The following ANK2 variants were observed in gnomAD, a reference collection of about 807,000 sequenced individuals.
The protein encoded by ANK2 is ankyrin-2.
In ANK2, 83 loss-of-function variants were observed where a neutral mutation model predicts 360.5. That is an observed-to-expected ratio of 0.23 (90% confidence interval 0.19 to 0.28). ANK2 has a LOEUF of 0.28. Among genes scored for constraint, ANK2 ranks in the 10% least tolerant of loss-of-function variants. ANK2 has a pLI of 1.00. For missense variants in ANK2, 4,201 were observed against 4,795.7 expected (o/e 0.88, Z 3.66); for synonymous variants, 1,740 against 1,759.5 (o/e 0.99, Z 0.28).
At position 112,938,520 on chromosome 4, in the gene ANK2, G is replaced by A. The variant is rs112841575; in HGVS notation, c.21+34006G>A. On this transcript the variant is annotated intron_variant, in intron 2 of 30. Transcript: ENST00000503271. ...TATCTAATCTTTCTGTATATTTTTT[G>A]TTTTCCCCAAAATGATATATTTTAA... 2.0e-5 allele frequency among the ~76,000 whole-genome samples: 3 copies of A among 147,258 alleles called. No individual in the cohort carries two copies. The South Asian group carries it at 6.4e-4, about 31-fold the overall frequency.
chr4:113,356,281 A>G lies in ANK2; in HGVS notation c.7663A>G (p.Thr2555Ala), dbSNP rs1202828284. The change falls in exon 38 of 46, where the codon ACA becomes GCA. Residue 2555 changes from threonine to alanine, a missense_variant. This residue lies in a region of ANK2 where 2,642 missense variants were observed against 2,714.5 expected (regional missense o/e 0.97). Coordinates refer to ENST00000357077, the MANE Select transcript of ANK2 (RefSeq NM_001148.6). Reference protein sequence around the residue: ...EVSYEVTPKTTDVSTPKPAVI... With the variant: ...EVSYEVTPKTADVSTPKPAVI... ...CAGCTATGAGGTTACACCCAAAACC[A>G]CAGATGTAAGTACACCAAAACCAGC... 3 of 1,614,146 alleles carry G rather than the reference A, an allele frequency of 1.9e-6. No individual in the cohort carries two copies. The highest frequency in any genetic ancestry group is 3.3e-5 in the Admixed American group (2 of 60,006).
intron 1 of ANK2, among the ~76,000 whole-genome samples, chr4:112,878,920 G>GC (rs1487867357): frequency 6.6e-6 from 1 of 152,142 alleles, no homozygotes; most frequent in Non-Finnish European, 1.5e-5. Context: ...ACTGCGCCCG[G>GC]CCCCTGATTC....
intron 1 of ANK2, among the ~76,000 whole-genome samples, chr4:113,116,078 A>G (rs545133422): frequency 7.2e-5 from 11 of 152,314 alleles, no homozygotes; most frequent in African/African-American, 2.4e-4. Context: ...AATACTATAG[A>G]GAACTTCATC....
At chr4:112,929,714 A>C (rs967837765) in intron 2 of ANK2, among the ~76,000 whole-genome samples, 3 of 152,180 alleles carry the variant, frequency 2.0e-5, no homozygotes, top group African/African-American at 7.2e-5. Flanking sequence ...TTGTTCTTGC[A>C]TCCAGAGTCA....
intron 43 of ANK2, chr4:113,372,390 T>G (rs1197250302): frequency 5.2e-6 from 3 of 573,576 alleles, no homozygotes; most frequent in Middle Eastern, 3.3e-4. Context: ...GACCAGCACG[T>G]ATTTGTTTTC....
chr4:113,298,643 C>A (rs1288528743), intron 22 of ANK2, among the ~76,000 whole-genome samples: 4 of 152,164 alleles, frequency 2.6e-5, no homozygotes, highest in African/African-American at 9.7e-5. Context: ...TATACCATTT[C>A]TTTTGCCATA....
intron 2 of ANK2, among the ~76,000 whole-genome samples, chr4:112,970,161 T>C (rs995607405): frequency 1.6e-4 from 24 of 151,710 alleles, no homozygotes; most frequent in African/African-American, 5.8e-4. Context: ...TTTTTTTGTA[T>C]TTTTAGTAGA....
At chr4:113,149,604 G>A (rs1056285033) in intron 1 of ANK2, among the ~76,000 whole-genome samples, 1 of 151,970 alleles carries the variant, frequency 6.6e-6, no homozygotes, top group Admixed American at 6.6e-5. Context: ...GCCTGGCATG[G>A]TGGCTCGCAT....
chr4:112,826,958 T>C, intron 1 of ANK2: 1 of 1,538,162 alleles, frequency 6.5e-7, no homozygotes, highest in Admixed American at 1.7e-5. Flanking sequence ...GCACACTCAT[T>C]CAGTCATGTA....
intron 1 of ANK2, among the ~76,000 whole-genome samples, chr4:112,874,787 T>G (rs2150327157): frequency 6.6e-6 from 1 of 152,296 alleles, no homozygotes; most frequent in Non-Finnish European, 1.5e-5. Context: ...ATGAATTTTC[T>G]TCTGTAATCA....
the ANK2 span, chr4:112,797,235 C>T: frequency 1.9e-5 from 3 of 154,294 alleles, no homozygotes; most frequent in Non-Finnish European, 2.9e-5. Flanking sequence ...AGACAGAGAT[C>T]GTATGTTTAC....
At chr4:112,973,088 A>G (rs1347319912) in intron 2 of ANK2, among the ~76,000 whole-genome samples, 2 of 151,908 alleles carry the variant, frequency 1.3e-5, no homozygotes, top group African/African-American at 4.8e-5. Context: ...CTTGGGTGAT[A>G]GGTGCTTTCA....
intron 1 of ANK2, among the ~76,000 whole-genome samples, chr4:113,073,565 G>A (rs2078653069): frequency 6.6e-6 from 1 of 152,084 alleles, no homozygotes; most frequent in South Asian, 2.1e-4. Context: ...GTAGAACAAA[G>A]CAAGAAGAAT....
intron 2 of ANK2, among the ~76,000 whole-genome samples, chr4:113,024,283 G>T (rs2058775906): frequency 6.6e-6 from 1 of 152,122 alleles, no homozygotes; most frequent in African/African-American, 2.4e-5. Flanking sequence ...TACTCTTAAA[G>T]ATTACTAGTA....
At chr4:112,714,417 G>A in the ANK2 span, among the ~76,000 whole-genome samples, 1 of 152,164 alleles carries the variant, frequency 6.6e-6, no homozygotes, top group Non-Finnish European at 1.5e-5. Flanking sequence ...TCCTGGCCTT[G>A]AGCAATCTAC....
intron 1 of ANK2, among the ~76,000 whole-genome samples, chr4:113,052,954 C>T (rs377055852): frequency 2.6e-5 from 4 of 152,144 alleles, no homozygotes; most frequent in Non-Finnish European, 5.9e-5. Flanking sequence ...GGAGAACAGG[C>T]TAGAGCGTTA....
chr4:112,844,934 A>C (rs367667995), intron 1 of ANK2, among the ~76,000 whole-genome samples: 1 of 152,218 alleles, frequency 6.6e-6, no homozygotes. Context: ...TAATATAAGG[A>C]ATAACGTAAA....
chr4:113,057,024 T>C (rs182763090), intron 1 of ANK2, among the ~76,000 whole-genome samples: 34 of 152,328 alleles, frequency 2.2e-4, no homozygotes, highest in Middle Eastern at 3.4e-3. Context: ...TCCGAACACA[T>C]GGGAAAGTTC....
chr4:113,346,096 C>A (rs2094818853), intron 35 of ANK2, 74 bp downstream of exon 35: 1 of 1,574,152 alleles, frequency 6.4e-7, no homozygotes, highest in Non-Finnish European at 8.7e-7. Flanking sequence ...TAGGTCAGTG[C>A]AAAAGTAATG....
Sources: gnomAD v4.1 joint callset for allele counts (sites outside exome capture counted in the v4.1 genomes callset) on GRCh38, gnomAD v4.1.1 for gene constraint, gnomAD v4.1.1 regional missense constraint, MANE v1.5 for transcripts, NCBI Gene and HGNC (gene_info 2026-07-23, HGNC 2026-07-21) for gene names.